Variants in KIAA0319 observed in about 807,000 individuals in gnomAD.
KIAA0319 encodes the protein dyslexia-associated protein KIAA0319.
In KIAA0319, 83 loss-of-function variants were observed where a neutral mutation model predicts 108.4. That is an observed-to-expected ratio of 0.77 (90% CI 0.64 to 0.92). The LOEUF (loss-of-function observed/expected upper bound fraction) is 0.92. Ranked by LOEUF, KIAA0319 falls within the 40% of genes least tolerant of loss-of-function variation. KIAA0319 has a pLI of 0.00. For missense variants in KIAA0319, 1,195 were observed against 1,322.4 expected, an observed-to-expected ratio of 0.90 and a Z score of 1.49; for synonymous variants, 484 against 510.4, an observed-to-expected ratio of 0.95 and a Z score of 0.70.
At chr6:24,586,134 A>G (rs553701089) in intron 4 of KIAA0319, among the ~76,000 whole-genome samples, 1 of 152,300 alleles carries the variant, frequency 6.6e-6, no homozygotes, top group East Asian at 1.9e-4. Flanking sequence ...CCTTGGATAC[A>G]TGTCATCAGG....
At chr6:24,617,529 G>A (rs1206255143) in intron 1 of KIAA0319, among the ~76,000 whole-genome samples, 1 of 152,144 alleles carries the variant, frequency 6.6e-6, no homozygotes, top group Non-Finnish European at 1.5e-5. Context: ...AGAAAGCAGA[G>A]CGGAAAGCTG....
Position 24,556,680 on chromosome 6 carries a change from C to T in KIAA0319, c.2784G>A (p.Lys928=), listed in dbSNP as rs1762332933. ...SGHGHCDPLT[K]RCICSHLWME... Reference sequence around the variant, plus strand: ...TCCATAAGTGAGAGCAAATGCAGCGCTTTGTGAGGGGGTCGCAGTGACCAT... The same window carrying T: ...TCCATAAGTGAGAGCAAATGCAGCGTTTTGTGAGGGGGTCGCAGTGACCAT... The change falls in exon 18 of 21, where the codon AAG becomes AAA. Residue 928 remains lysine, a synonymous_variant. Coordinates refer to ENST00000378214, the MANE Select transcript of KIAA0319 (RefSeq NM_014809.4). The T allele has an allele frequency of 1.2e-6, 2 of 1,614,078 alleles. No homozygotes were observed. Among genetic ancestry groups the T allele is most frequent in the East Asian group, 2.2e-5 (1 of 44,876 alleles).
chr6:24,625,396 A>T (rs1019145051), intron 1 of KIAA0319, among the ~76,000 whole-genome samples: 1 of 152,136 alleles, frequency 6.6e-6, no homozygotes, highest in Non-Finnish European at 1.5e-5. Flanking sequence ...TTAAATATAT[A>T]TATGTGTATT....
intron 5 of KIAA0319, 110 bp from the exon 6 acceptor site, chr6:24,582,456 T>A: frequency 1.9e-6 from 1 of 531,164 alleles, no homozygotes; most frequent in Non-Finnish European, 3.4e-6. Context: ...TTACCTTAGA[T>A]ATACTCAACT....
intron 1 of KIAA0319, among the ~76,000 whole-genome samples, chr6:24,639,494 T>A (rs1038350205): frequency 1.3e-5 from 2 of 152,250 alleles, no homozygotes; most frequent in Admixed American, 1.3e-4. Flanking sequence ...GCATATATTC[T>A]TACTAAAAGA....
chr6:24,629,790 TAC>T (rs1482096433), intron 1 of KIAA0319, among the ~76,000 whole-genome samples: 1 of 152,140 alleles, frequency 6.6e-6, no homozygotes, highest in African/African-American at 2.4e-5. Flanking sequence ...CTTGGAGAGG[TAC>T]ACCCCAGGAG....
chr6:24,631,594 A>G (rs892525133), intron 1 of KIAA0319, among the ~76,000 whole-genome samples: 4 of 152,340 alleles, frequency 2.6e-5, no homozygotes, highest in African/African-American at 9.6e-5. Flanking sequence ...CTGTCCCTAC[A>G]TTAGGAAAAA....
intron 1 of KIAA0319, among the ~76,000 whole-genome samples, chr6:24,634,668 T>G (rs924033089): frequency 2.6e-5 from 4 of 152,208 alleles, no homozygotes; most frequent in Non-Finnish European, 5.9e-5. Flanking sequence ...TACTAAACAG[T>G]TGGCTTAAAG....
intron 19 of KIAA0319, 29 bp from the exon 20 acceptor site, chr6:24,551,554 A>G: frequency 7.0e-7 from 1 of 1,426,974 alleles, no homozygotes; most frequent in Non-Finnish European, 9.9e-7. Context: ...AGCTCAACTC[A>G]GATCTTTAGA....
intron 19 of KIAA0319, among the ~76,000 whole-genome samples, chr6:24,553,120 G>A (rs568615271): frequency 6.7e-4 from 102 of 151,730 alleles, no homozygotes; most frequent in Non-Finnish European, 9.9e-4. Context: ...TTATTGCCTC[G>A]CTTACAGTTT....
intron 10 of KIAA0319, 49 bp downstream of exon 10, chr6:24,576,319 G>T: frequency 7.4e-7 from 1 of 1,355,292 alleles, no homozygotes; most frequent in Non-Finnish European, 1.0e-6. Context: ...TAGCTAGGTA[G>T]ACAGACAGAC....
chr6:24,632,402 T>C (rs115825191), intron 1 of KIAA0319, among the ~76,000 whole-genome samples: 4,710 of 152,104 alleles, frequency 0.031, 227 homozygotes, highest in African/African-American at 0.11. Context: ...AAGTTAAGTT[T>C]CCAGTTTCTC....
In KIAA0319 at chr6:24,588,749, G is replaced by T. The variant is rs774132731; in HGVS notation, c.838C>A (p.Leu280Met). ...MPSHSLPPAS[L>M]ELSSVTVEKS... ...TCCACGGTGACTGAGCTGAGCTCCA[G>T]GCTTGCCGGAGGAAGACTATGGGAA... The change falls in exon 4 of 21, where the codon CTG (leucine) becomes ATG (methionine). Residue 280 changes from leucine to methionine, a missense_variant. By Grantham distance (15) the Leu-to-Met change is conservative. Transcript: ENST00000378214. The T allele has an allele frequency of 6.2e-7, 1 of 1,613,830 alleles. No individual in the cohort carries two copies. The highest frequency in any genetic ancestry group is 1.3e-5 in the African/African-American group (1 of 74,928).
chr6:24,609,171 G>C (rs1423739327), intron 1 of KIAA0319, among the ~76,000 whole-genome samples: 1 of 150,596 alleles, frequency 6.6e-6, no homozygotes, highest in Non-Finnish European at 1.5e-5. Flanking sequence ...AGGAGGCTGA[G>C]GCACGAGAAT....
downstream of KIAA0319, among the ~76,000 whole-genome samples, chr6:24,540,562 A>C (rs1192316419): frequency 6.6e-6 from 1 of 152,172 alleles, no homozygotes; most frequent in African/African-American, 2.4e-5. Context: ...TGTAGGCTTC[A>C]AATAAAGGAA....
At chr6:24,583,752 A>G (rs1427219883) in intron 4 of KIAA0319, 50 bp from the exon 5 acceptor site, 2 of 1,127,398 alleles carry the variant, frequency 1.8e-6, no homozygotes, top group Non-Finnish European at 2.7e-6. Context: ...ATAATGTGTT[A>G]CATTACTGCT....
chr6:24,642,649 T>C (rs1364097782), intron 1 of KIAA0319, among the ~76,000 whole-genome samples: 1 of 152,234 alleles, frequency 6.6e-6, no homozygotes, highest in Non-Finnish European at 1.5e-5. Flanking sequence ...AATTCATTTT[T>C]AGGCCTGAAT....
intron 16 of KIAA0319, 68 bp from the exon 17 acceptor site, chr6:24,559,223 C>A: frequency 6.4e-7 from 1 of 1,552,732 alleles, no homozygotes; most frequent in Non-Finnish European, 8.8e-7. Flanking sequence ...ACGCCCACCA[C>A]AGCATCTGAC....
chr6:24,586,121 C>T (rs1217946061), intron 4 of KIAA0319, among the ~76,000 whole-genome samples: 4 of 152,110 alleles, frequency 2.6e-5, no homozygotes, highest in Admixed American at 2.0e-4. Flanking sequence ...TGTACCCTGA[C>T]CACCTTGGAT....
Sources: gnomAD v4.1 joint callset for allele counts (sites outside exome capture counted in the v4.1 genomes callset) on GRCh38, gnomAD v4.1.1 for gene constraint, MANE v1.5 for transcripts, NCBI Gene and HGNC (gene_info 2026-07-23, HGNC 2026-07-21) for gene names.